Variants in RBFOX1 observed in about 807,000 individuals in gnomAD.
RBFOX1 encodes RNA binding fox-1 homolog 1, also known as RNA binding protein fox-1 homolog 1.
RBFOX1 carries 8 observed loss-of-function variants against 57.7 expected under a neutral mutation model. The ratio of observed to expected loss-of-function variants is 0.14; its 90% CI spans 0.08 to 0.25. The LOEUF (loss-of-function observed/expected upper bound fraction) is 0.25, where lower values mean the gene tolerates loss of function less well. Ranked by LOEUF, RBFOX1 falls within the 10% of genes least tolerant of loss-of-function variation. RBFOX1 has a pLI of 1.00. For synonymous variants in RBFOX1, 326 were observed against 222.4 expected (o/e 1.47, Z -4.15); for missense variants, 611 against 548.5 (o/e 1.11, Z -1.14).
intron 3 of RBFOX1, chr16:5,611,514 T>C (rs1404883019): frequency 1.3e-5 from 2 of 152,194 alleles, no homozygotes; most frequent in African/African-American, 4.8e-5. Flanking sequence ...GGCTTTTCTC[T>C]TCTTCAGTAG....
At chr16:7,658,601 A>AAATTTACAAACCCT (rs1219353598) in intron 12 of RBFOX1, among the ~76,000 whole-genome samples, 2 of 152,162 alleles carry the variant, frequency 1.3e-5, no homozygotes, top group Non-Finnish European at 2.9e-5. Flanking sequence ...CTGTAGACTT[A>AAATTTACAAACCCT]GTATCTTTGA....
intron 2 of RBFOX1, among the ~76,000 whole-genome samples, chr16:6,500,052 T>C (rs1365021615): frequency 6.6e-6 from 1 of 152,266 alleles, no homozygotes; most frequent in East Asian, 1.9e-4. Context: ...ATTTCTTCTT[T>C]TGTGAACCGG....
intron 4 of RBFOX1, among the ~76,000 whole-genome samples, chr16:7,197,959 C>G (rs527537655): frequency 1.3e-4 from 20 of 150,866 alleles, no homozygotes; most frequent in African/African-American, 4.1e-4. Context: ...CTTTTTTCCC[C>G]CGTTCCACTC....
intron 1 of RBFOX1, among the ~76,000 whole-genome samples, chr16:5,387,124 C>T (rs1485973192): frequency 6.6e-6 from 1 of 152,134 alleles, no homozygotes; most frequent in Non-Finnish European, 1.5e-5. Flanking sequence ...AGCTGTCTCC[C>T]CACAAGGCTC....
At chr16:7,268,598 G>C (rs575203004) in intron 4 of RBFOX1, among the ~76,000 whole-genome samples, 10 of 152,234 alleles carry the variant, frequency 6.6e-5, no homozygotes, top group African/African-American at 2.4e-4. Context: ...ATGGTTTGCA[G>C]TTGGTGGCCA....
At chr16:6,543,628 G>A (rs1409710934) in intron 2 of RBFOX1, among the ~76,000 whole-genome samples, 6 of 152,042 alleles carry the variant, frequency 3.9e-5, no homozygotes, top group African/African-American at 7.2e-5. Context: ...ATGCCCTCCC[G>A]GTCTGGAAGA....
intron 3 of RBFOX1, among the ~76,000 whole-genome samples, chr16:5,748,890 T>C (rs1057297126): frequency 8.5e-5 from 13 of 152,214 alleles, no homozygotes; most frequent in African/African-American, 1.9e-4. Context: ...AATATTGTTA[T>C]GTGTGAATTT....
At chr16:7,467,158 G>T (rs1424965774) in intron 4 of RBFOX1, among the ~76,000 whole-genome samples, 3 of 152,154 alleles carry the variant, frequency 2.0e-5, no homozygotes, top group African/African-American at 7.2e-5. Flanking sequence ...CTTCTAGAGA[G>T]GAAATCAGAC....
intron 4 of RBFOX1, among the ~76,000 whole-genome samples, chr16:5,878,678 G>A (rs911006441): frequency 3.3e-5 from 5 of 151,248 alleles, no homozygotes; most frequent in Admixed American, 1.3e-4. Context: ...TTACCTCACC[G>A]GAATGACAAT....
At chr16:7,579,393 G>A (rs139728560) in intron 5 of RBFOX1, among the ~76,000 whole-genome samples, 58 of 152,154 alleles carry the variant, frequency 3.8e-4, no homozygotes, top group Admixed American at 3.8e-3. Context: ...CCTTCTTGAT[G>A]AGGTTCTCGC....
chr16:7,181,533 GCTCTCTCTCT>G lies in RBFOX1; in HGVS notation c.27+129438_27+129447del, dbSNP rs1030619079. On this transcript the variant is annotated intron_variant, in intron 4 of 15. Coordinates refer to ENST00000550418, the MANE Select transcript of RBFOX1 (RefSeq NM_018723.4). ...TCCCTCCCTCCCTCTTCCCTCCCTT[GCTCTCTCTCT>G]CTTTCTCTCATCTCTCTTTCTCTCT... Among the ~76,000 whole-genome samples the G allele has an allele frequency of 9.8e-3, 1,445 of 147,346 alleles. 25 individuals carry two copies. Among genetic ancestry groups the G allele is most frequent in the African/African-American group, 0.034 (1,364 of 40,272 alleles).
At chr16:6,256,859 A>T (rs1455820236) in intron 1 of RBFOX1, among the ~76,000 whole-genome samples, 2 of 152,074 alleles carry the variant, frequency 1.3e-5, no homozygotes, top group Admixed American at 1.3e-4. Flanking sequence ...AGTATGTGGG[A>T]TGGATAGAAG....
At chr16:7,591,258 G>C (rs1430194448) in intron 7 of RBFOX1, among the ~76,000 whole-genome samples, 2 of 152,136 alleles carry the variant, frequency 1.3e-5, no homozygotes, top group Non-Finnish European at 2.9e-5. Context: ...AGTCCCATCG[G>C]AAAATGAATC....
intron 2 of RBFOX1, among the ~76,000 whole-genome samples, chr16:6,447,864 C>T (rs370647825): frequency 2.0e-5 from 3 of 152,236 alleles, no homozygotes; most frequent in Non-Finnish European, 4.4e-5. Flanking sequence ...GCCGTCCAAT[C>T]GGAGTGAACC....
intron 3 of RBFOX1, among the ~76,000 whole-genome samples, chr16:6,831,170 T>C (rs1280482462): frequency 2.0e-5 from 3 of 152,192 alleles, no homozygotes; most frequent in South Asian, 2.1e-4. Flanking sequence ...TTCATTAGCA[T>C]ATTTGGAGGT....
intron 3 of RBFOX1, among the ~76,000 whole-genome samples, chr16:6,770,948 T>C (rs1483936022): frequency 2.0e-5 from 3 of 152,152 alleles, no homozygotes; most frequent in Non-Finnish European, 4.4e-5. Flanking sequence ...GAATTGTGTC[T>C]CCACTACCCC....
chr16:6,022,410 G>C (rs2095100143), intron 1 of RBFOX1, among the ~76,000 whole-genome samples: 1 of 152,176 alleles, frequency 6.6e-6, no homozygotes, highest in Non-Finnish European at 1.5e-5. Context: ...GCCAGGTGCA[G>C]TGGCTCATGC....
At chr16:5,940,061 A>T (rs996706781) in intron 4 of RBFOX1, among the ~76,000 whole-genome samples, 106 of 152,280 alleles carry the variant, frequency 7.0e-4, no homozygotes, top group African/African-American at 2.6e-3. Context: ...AGTGCTAGGT[A>T]AATTTAAATT....
chr16:7,151,226 C>G (rs1002913920), intron 4 of RBFOX1, among the ~76,000 whole-genome samples: 2 of 152,218 alleles, frequency 1.3e-5, no homozygotes. Flanking sequence ...TTAAAAGTCA[C>G]TCATAGAATG....
Sources: gnomAD v4.1 joint callset for allele counts (sites outside exome capture counted in the v4.1 genomes callset) on GRCh38, gnomAD v4.1.1 for gene constraint, MANE v1.5 for transcripts, NCBI Gene and HGNC (gene_info 2026-07-23, HGNC 2026-07-21) for gene names.